NCAM2: variants seen among roughly 807,000 people sequenced by gnomAD.
The protein encoded by NCAM2 is neural cell adhesion molecule 2.
A neutral mutation model predicts 98.1 loss-of-function variants in NCAM2; 30 were observed. The ratio of observed to expected loss-of-function variants is 0.31; its 90% CI spans 0.23 to 0.41. The LOEUF (loss-of-function observed/expected upper bound fraction) is 0.41, where lower values mean the gene tolerates loss of function less well. NCAM2 is among the 10% of genes least tolerant of loss of function. The pLI, the probability that NCAM2 is intolerant of heterozygous loss-of-function variation, is 1.00. For missense variants in NCAM2, 867 were observed against 1,005.8 expected (o/e 0.86, Z 1.87); for synonymous variants, 368 against 342.4 (o/e 1.07, Z -0.83).
Position 21,182,344 on chromosome 21 carries a change from A to C in NCAM2, c.56-98234A>C, listed in dbSNP as rs186146646. ...GCACATCTCACACAGTGTAAGAGGC[A>C]AACATCTCTACCATGAATTCTCTGC... is the stretch of plus-strand genomic sequence containing the variant. On this transcript the variant is annotated intron_variant, in intron 1 of 17. Coordinates refer to ENST00000400546, the MANE Select transcript of NCAM2 (RefSeq NM_004540.5). 2.7e-3 allele frequency among the ~76,000 whole-genome samples: 409 copies of C among 152,304 alleles called. 2 individuals are homozygous for C. The highest frequency in any genetic ancestry group is 9.6e-3 in the African/African-American group (398 of 41,574).
intron 12 of NCAM2, among the ~76,000 whole-genome samples, chr21:21,452,511 A>C (rs1264331179): frequency 7.6e-6 from 1 of 130,960 alleles, no homozygotes; most frequent in East Asian, 2.1e-4. Flanking sequence ...ATAATATATA[A>C]TATATAAAAT....
intron 11 of NCAM2, among the ~76,000 whole-genome samples, chr21:21,426,262 C>T (rs944133284): frequency 3.9e-5 from 6 of 152,116 alleles, no homozygotes; most frequent in African/African-American, 1.4e-4. Context: ...GTAAGGTAGC[C>T]ACTCAAAACA....
At chr21:21,441,170 A>G (rs1463758500) in intron 12 of NCAM2, among the ~76,000 whole-genome samples, 2 of 152,190 alleles carry the variant, frequency 1.3e-5, no homozygotes, top group African/African-American at 4.8e-5. Flanking sequence ...ACTTTAATGC[A>G]GTTTTCATGA....
intron 8 of NCAM2, among the ~76,000 whole-genome samples, chr21:21,363,557 T>C (rs2148004255): frequency 6.6e-6 from 1 of 152,214 alleles, no homozygotes. Context: ...CGTGGGTCTT[T>C]AGCTCCCCTG....
At chr21:21,139,709 T>C (rs1027713384) in intron 1 of NCAM2, among the ~76,000 whole-genome samples, 2 of 152,138 alleles carry the variant, frequency 1.3e-5, no homozygotes, top group African/African-American at 4.8e-5. Context: ...TGCAGAAGTA[T>C]ATAAAATAAA....
chr21:21,109,714 A>G lies in NCAM2; in HGVS notation c.55+111096A>G, dbSNP rs543367073. ...TAAATATATAGTCAAACTGTGATTC[A>G]ATTACAATAGTATTTTCTGTTTCTC... is the stretch of plus-strand genomic sequence containing the variant. On this transcript the variant is annotated intron_variant, in intron 1 of 17. Transcript: ENST00000400546. 5.4e-4 allele frequency among the ~76,000 whole-genome samples: 83 copies of G among 152,306 alleles called. 1 individual carries two copies. Among genetic ancestry groups the G allele is most frequent in the Middle Eastern group, 6.8e-3 (2 of 294 alleles).
At chr21:21,406,507 G>A (rs1260757866) in intron 9 of NCAM2, among the ~76,000 whole-genome samples, 1 of 152,150 alleles carries the variant, frequency 6.6e-6, no homozygotes, top group African/African-American at 2.4e-5. Context: ...TAGTTGAAAA[G>A]TGGGCTAAGA....
At chr21:21,311,906 G>A (rs1013137977) in intron 5 of NCAM2, among the ~76,000 whole-genome samples, 15 of 152,054 alleles carry the variant, frequency 9.9e-5, no homozygotes, top group Admixed American at 9.2e-4. Context: ...TATTTTTGAA[G>A]GTTCCTTGAG....
At chr21:21,412,607 C>A (rs2076909752) in intron 10 of NCAM2, among the ~76,000 whole-genome samples, 1 of 152,142 alleles carries the variant, frequency 6.6e-6, no homozygotes, top group South Asian at 2.1e-4. Context: ...TGCCTAAAGA[C>A]ATCCCTCTGC....
chr21:21,121,511 G>T lies in NCAM2; in HGVS notation c.55+122893G>T, dbSNP rs961085158. Among the ~76,000 whole-genome samples the T allele has an allele frequency of 2.0e-5, 3 of 152,186 alleles. No homozygotes were observed. In the East Asian group the frequency reaches 5.8e-4, roughly 29 times the overall value. ...GAATGTATGAATGACTTTGAATTGG[G>T]CTCTAATTATGAAGGTAAAGCTATA... On this transcript the variant is annotated intron_variant, in intron 1 of 17. Transcript: ENST00000400546.
intron 1 of NCAM2, among the ~76,000 whole-genome samples, chr21:21,200,701 A>G (rs2069181729): frequency 6.6e-6 from 1 of 151,118 alleles, no homozygotes; most frequent in Non-Finnish European, 1.5e-5. Context: ...AGGGACAAAA[A>G]TGAAAACATG....
chr21:21,528,798 T>C (rs73328817), intron 16 of NCAM2, among the ~76,000 whole-genome samples: 7,470 of 152,192 alleles, frequency 0.049, 191 homozygotes, highest in Middle Eastern at 0.061. Context: ...GCTATTATAC[T>C]GAATTACACT....
intron 1 of NCAM2, among the ~76,000 whole-genome samples, chr21:21,052,256 C>A (rs555127185): frequency 1.0e-4 from 15 of 149,016 alleles, no homozygotes; most frequent in African/African-American, 3.2e-4. Flanking sequence ...CTCCGCCTCC[C>A]GGGTTCACAC....
intron 1 of NCAM2, among the ~76,000 whole-genome samples, chr21:21,165,867 G>A (rs1037545943): frequency 6.6e-6 from 1 of 152,074 alleles, no homozygotes. Context: ...TGGGTTATAA[G>A]TCATTTGGGG....
intron 5 of NCAM2, among the ~76,000 whole-genome samples, chr21:21,313,623 TAG>T (rs1208585496): frequency 1.3e-5 from 2 of 151,990 alleles, no homozygotes; most frequent in African/African-American, 4.8e-5. Flanking sequence ...AGCATATAGT[TAG>T]GTTATATTTT....
chr21:21,474,890 TTGTG>T (rs1230841020), intron 14 of NCAM2, among the ~76,000 whole-genome samples: 1 of 151,894 alleles, frequency 6.6e-6, no homozygotes, highest in Non-Finnish European at 1.5e-5. Context: ...TTGTGTGTGT[TTGTG>T]TGTGTATATA....
chr21:21,193,255 A>G (rs551896647), intron 1 of NCAM2, among the ~76,000 whole-genome samples: 2 of 152,162 alleles, frequency 1.3e-5, no homozygotes, highest in African/African-American at 4.8e-5. Flanking sequence ...CAATATTGGT[A>G]TTTTATTAGA....
chr21:21,499,838 C>A (rs1987510154), intron 15 of NCAM2, among the ~76,000 whole-genome samples: 2 of 151,930 alleles, frequency 1.3e-5, no homozygotes, highest in African/African-American at 4.8e-5. Context: ...GGGAATGAAA[C>A]AACAATATTA....
chr21:21,038,597 A>G (rs2064844364), intron 1 of NCAM2, among the ~76,000 whole-genome samples: 1 of 152,178 alleles, frequency 6.6e-6, no homozygotes, highest in Admixed American at 6.5e-5. Flanking sequence ...GCTGCTGCCA[A>G]GTGAAGAAGG....
Sources: allele counts gnomAD v4.1 joint callset (sites outside exome capture counted in the v4.1 genomes callset), GRCh38; gene constraint gnomAD v4.1.1; transcripts MANE v1.5; gene names NCBI Gene and HGNC (gene_info 2026-07-23, HGNC 2026-07-21).